HHAT: variants seen among roughly 807,000 people sequenced by gnomAD.
The protein encoded by HHAT is protein-cysteine N-palmitoyltransferase HHAT.
HHAT carries 47 observed loss-of-function variants against 70.8 expected under a neutral mutation model. The observed-to-expected ratio is 0.66, with a 90% CI of 0.53 to 0.85. HHAT has a LOEUF of 0.85. Among genes scored for constraint, HHAT ranks in the 40% least tolerant of loss-of-function variants. The pLI, the probability that HHAT is intolerant of heterozygous loss-of-function variation, is 0.00. For synonymous variants in HHAT, 228 were observed against 247.6 expected, an observed-to-expected ratio of 0.92 and a Z score of 0.74; for missense variants, 609 against 604.8, an observed-to-expected ratio of 1.01 and a Z score of -0.07.
At chr1:210,617,179 C>T (rs902211147) in intron 10 of HHAT, among the ~76,000 whole-genome samples, 12 of 152,200 alleles carry the variant, frequency 7.9e-5, no homozygotes, top group African/African-American at 2.9e-4. Context: ...GAGAGAACAG[C>T]TTTTGCTAAG....
At chr1:210,456,536 A>G (rs1035892258) in intron 7 of HHAT, among the ~76,000 whole-genome samples, 1 of 152,178 alleles carries the variant, frequency 6.6e-6, no homozygotes, top group Non-Finnish European at 1.5e-5. Flanking sequence ...TTGCTGTACT[A>G]TGAGTAGGGG....
chr1:210,615,198 C>T (rs1238570130), intron 10 of HHAT, among the ~76,000 whole-genome samples: 2 of 152,176 alleles, frequency 1.3e-5, no homozygotes, highest in Non-Finnish European at 2.9e-5. Flanking sequence ...CTTTTGGCTG[C>T]ATTAAATGTC....
intron 9 of HHAT, among the ~76,000 whole-genome samples, chr1:210,520,801 G>GA: frequency 6.6e-6 from 1 of 151,800 alleles, no homozygotes; most frequent in Middle Eastern, 3.2e-3. Flanking sequence ...TACATATTTT[G>GA]AATAAGAATC....
At chr1:210,617,979 G>A (rs1668078134) in intron 10 of HHAT, among the ~76,000 whole-genome samples, 1 of 152,190 alleles carries the variant, frequency 6.6e-6, no homozygotes, top group African/African-American at 2.4e-5. Flanking sequence ...AGCGAGATGG[G>A]TGATAGCTAA....
intron 9 of HHAT, among the ~76,000 whole-genome samples, chr1:210,520,342 A>G (rs2095136823): frequency 6.6e-6 from 1 of 152,082 alleles, no homozygotes; most frequent in African/African-American, 2.4e-5. Context: ...GGGGAATTTA[A>G]TCCATTTACA....
At chr1:210,338,338 T>C (rs955420317) in intron 1 of HHAT, among the ~76,000 whole-genome samples, 1 of 152,118 alleles carries the variant, frequency 6.6e-6, no homozygotes, top group African/African-American at 2.4e-5. Context: ...TGAGACCTTG[T>C]TTCAAAAAGG....
intron 11 of HHAT, among the ~76,000 whole-genome samples, chr1:210,663,998 G>A (rs990051273): frequency 6.6e-6 from 1 of 152,232 alleles, no homozygotes; most frequent in African/African-American, 2.4e-5. Flanking sequence ...TTCCAGGTAT[G>A]TAAACTCTGT....
At chr1:210,596,290 T>A (rs1180858947) in intron 10 of HHAT, among the ~76,000 whole-genome samples, 1 of 152,192 alleles carries the variant, frequency 6.6e-6, no homozygotes, top group Non-Finnish European at 1.5e-5. Context: ...TTGGTTATCT[T>A]GAGGTAGTCT....
intron 10 of HHAT, among the ~76,000 whole-genome samples, chr1:210,606,609 T>C (rs1665505691): frequency 6.6e-6 from 1 of 152,220 alleles, no homozygotes; most frequent in Non-Finnish European, 1.5e-5. Context: ...GATGCTTCCC[T>C]TCTCCTCTCT....
At chr1:210,418,081 T>C in intron 6 of HHAT, 73 bp from the exon 7 acceptor site, 1 of 1,442,278 alleles carries the variant, frequency 6.9e-7, no homozygotes, top group Non-Finnish European at 9.7e-7. Flanking sequence ...GGGAAGTTTA[T>C]GAAAAATCTT....
At chr1:210,571,015 T>G (rs1232009045) in intron 9 of HHAT, among the ~76,000 whole-genome samples, 1 of 152,162 alleles carries the variant, frequency 6.6e-6, no homozygotes, top group East Asian at 1.9e-4. Context: ...TAGGGAATGC[T>G]CTTGAAGGAG....
chr1:210,451,830 C>T (rs1408585695), intron 7 of HHAT, among the ~76,000 whole-genome samples: 4 of 152,166 alleles, frequency 2.6e-5, no homozygotes, highest in South Asian at 2.1e-4. Flanking sequence ...CTTCCTGGCT[C>T]AGCCTCCCAA....
chr1:210,389,206 A>G (rs1049725262), intron 4 of HHAT, among the ~76,000 whole-genome samples: 13 of 152,070 alleles, frequency 8.5e-5, no homozygotes, highest in Non-Finnish European at 1.6e-4. Context: ...AAGAAAATGA[A>G]CTTATTTAGT....
At chr1:210,592,555 T>A (rs74495745) in intron 10 of HHAT, among the ~76,000 whole-genome samples, 11 of 147,426 alleles carry the variant, frequency 7.5e-5, no homozygotes, top group East Asian at 3.9e-4. Flanking sequence ...ATTTTTTTTT[T>A]AAATTTCTGT....
At chr1:210,457,114 ACT>A (rs1340034933) in intron 7 of HHAT, among the ~76,000 whole-genome samples, 4 of 151,966 alleles carry the variant, frequency 2.6e-5, no homozygotes, top group African/African-American at 7.2e-5. Flanking sequence ...CATCATGATG[ACT>A]CTGAGCACTG....
intron 11 of HHAT, chr1:210,631,209 A>G: frequency 2.3e-6 from 1 of 433,080 alleles, no homozygotes; most frequent in Non-Finnish European, 4.6e-6. Context: ...TCCAAATTCT[A>G]CTCTTCTCTC....
At chr1:210,501,639 C>T (rs146166934) in intron 8 of HHAT, among the ~76,000 whole-genome samples, 1 of 151,868 alleles carries the variant, frequency 6.6e-6, no homozygotes, top group Non-Finnish European at 1.5e-5. Flanking sequence ...CTGTCCCCAG[C>T]TGCTCCTGGG....
In HHAT at chr1:210,544,789, C is replaced by T. The variant is rs560332371; in HGVS notation, c.1043+31601C>T. ...TCATTCAAAACATGCATGATCTTTC[C>T]TCAATATCTTATCTCTTCAGTAGTT... On this transcript the variant is annotated intron_variant, in intron 9 of 11. Coordinates refer to ENST00000261458, the MANE Select transcript of HHAT (RefSeq NM_018194.6). Among the ~76,000 whole-genome samples the T allele has an allele frequency of 8.5e-5, 13 of 152,248 alleles. No homozygotes were observed. In the South Asian group the frequency reaches 2.7e-3, roughly 32 times the overall value.
chr1:210,567,017 C>T (rs1007835501), intron 9 of HHAT, among the ~76,000 whole-genome samples: 4 of 152,162 alleles, frequency 2.6e-5, no homozygotes, highest in African/African-American at 9.7e-5. Flanking sequence ...GGGCTGGAGC[C>T]CAGGGATGCT....
Sources: gnomAD v4.1 joint callset for allele counts (sites outside exome capture counted in the v4.1 genomes callset) on GRCh38, gnomAD v4.1.1 for gene constraint, MANE v1.5 for transcripts, NCBI Gene and HGNC (gene_info 2026-07-23, HGNC 2026-07-21) for gene names.